HDAC4: variants seen among roughly 807,000 people sequenced by gnomAD.
HDAC4 encodes the protein histone deacetylase 4, also known as histone deacetylase A.
A neutral mutation model predicts 135.1 loss-of-function variants in HDAC4; 16 were observed. The observed-to-expected ratio is 0.12, with a 90% CI of 0.08 to 0.18. HDAC4 has a LOEUF of 0.18. Ranked by LOEUF, HDAC4 falls within the 10% of genes least tolerant of loss-of-function variation. The pLI is 1.00. For missense variants in HDAC4, 1,143 were observed against 1,511.8 expected, an observed-to-expected ratio of 0.76 and a Z score of 4.05; for synonymous variants, 685 against 653.4, an observed-to-expected ratio of 1.05 and a Z score of -0.74.
intron 7 of HDAC4, among the ~76,000 whole-genome samples, chr2:239,153,969 G>C (rs2042269814): frequency 6.6e-6 from 1 of 152,226 alleles, no homozygotes. Flanking sequence ...TTGCTATGAA[G>C]TACTCAAGCT....
rs369120720 is a variant in HDAC4 at position 239,134,652 on chromosome 2, A to G, written c.979-9T>C. On this transcript the variant is annotated splice_polypyrimidine_tract_variant and intron_variant, in intron 9 of 26. Coordinates refer to ENST00000543185, the MANE Select transcript of HDAC4 (RefSeq NM_001378414.1). The stretch of plus-strand genomic sequence containing the variant: ...CTGTGCGCCAAACTCGTCTGGGGAC[A>G]GAACACACGATGACCATCACAGTCT... The G allele has an allele frequency of 9.4e-6, 15 of 1,603,612 alleles. No individual in the cohort carries two copies. Among genetic ancestry groups the G allele is most frequent in the Non-Finnish European group, 1.1e-5 (13 of 1,170,418 alleles).
intron 2 of HDAC4, among the ~76,000 whole-genome samples, chr2:239,250,872 G>A (rs1050150553): frequency 6.6e-6 from 1 of 152,204 alleles, no homozygotes; most frequent in Non-Finnish European, 1.5e-5. Context: ...GGACTCGGGG[G>A]CGGTTTTCCC....
intron 4 of HDAC4, among the ~76,000 whole-genome samples, chr2:239,187,399 C>G (rs1340552724): frequency 6.6e-6 from 1 of 152,198 alleles, no homozygotes; most frequent in African/African-American, 2.4e-5. Flanking sequence ...GGCGCAAAAA[C>G]TAAATAAAAC....
Position 239,068,834 on chromosome 2 carries a change from C to A in HDAC4, c.2751-227G>T. 3.4e-6 allele frequency: 2 copies of A among 587,816 alleles called. No homozygotes were observed. Among genetic ancestry groups the A allele is most frequent in the Non-Finnish European group, 6.3e-6 (2 of 316,904 alleles). 36.4% of individuals were successfully genotyped at this position (587,816 alleles called of 1,614,324 possible). ...CATTTCACATCTTCACAGTGCAAGCCAGCAAGCCCCACGACACTTGCTTGG... is the reference window on the plus strand; with the variant it reads ...CATTTCACATCTTCACAGTGCAAGCAAGCAAGCCCCACGACACTTGCTTGG... On this transcript the variant is annotated intron_variant, in intron 22 of 26. Transcript: ENST00000543185. The surrounding 1 kb of genome is among the most constrained non-coding windows in gnomAD (Gnocchi z 4.4).
rs1195855805 is a variant in HDAC4 at position 239,299,018 on chromosome 2, G to A, written c.22+53660C>T. On this transcript the variant is annotated intron_variant, in intron 2 of 26. Coordinates refer to ENST00000543185, the MANE Select transcript of HDAC4 (RefSeq NM_001378414.1). This position sits in a 1 kb window ranked among gnomAD's most constrained non-coding sequence, Gnocchi z 4.0. The stretch of plus-strand genomic sequence containing the variant: ...CGAGTAGCTGGGACTACAGGTGCCC[G>A]CCACCACGCCCAGCTAATTTTTTGT... Among the ~76,000 whole-genome samples, 13 of 151,892 alleles carry A rather than the reference G, an allele frequency of 8.6e-5. No individual in the cohort carries two copies. Among genetic ancestry groups the A allele is most frequent in the East Asian group, 1.9e-4 (1 of 5,142 alleles).
chr2:239,319,661 A>G (rs1239520592), intron 2 of HDAC4, among the ~76,000 whole-genome samples: 2 of 152,264 alleles, frequency 1.3e-5, no homozygotes, highest in Admixed American at 1.3e-4. Context: ...CATGTTTGAG[A>G]GCAGCCACAT....
intron 20 of HDAC4, among the ~76,000 whole-genome samples, chr2:239,082,758 C>T (rs1215289150): frequency 6.6e-6 from 1 of 152,256 alleles, no homozygotes; most frequent in Non-Finnish European, 1.5e-5. Context: ...GGTCCAGGCC[C>T]CTGTGCCCAA....
intron 3 of HDAC4, among the ~76,000 whole-genome samples, chr2:239,196,558 A>G (rs1248111017): frequency 6.6e-6 from 1 of 152,210 alleles, no homozygotes; most frequent in Non-Finnish European, 1.5e-5. Flanking sequence ...GACAGTCTCG[A>G]GTCCGAGTCT....
chr2:239,118,523 C>A (rs1018120008), intron 12 of HDAC4, among the ~76,000 whole-genome samples: 1 of 152,132 alleles, frequency 6.6e-6, no homozygotes, highest in African/African-American at 2.4e-5. Flanking sequence ...GTGCTGTCCA[C>A]GGGTGAGCGT....
chr2:239,278,350 T>C (rs1445139376), intron 2 of HDAC4, among the ~76,000 whole-genome samples: 2 of 152,110 alleles, frequency 1.3e-5, no homozygotes. Context: ...GACAATCTAA[T>C]TGGTAAAGAA....
rs904033290 is a variant in HDAC4 at position 239,309,711 on chromosome 2, C to G, written c.22+42967G>C. 3.8e-4 allele frequency among the ~76,000 whole-genome samples: 58 copies of G among 152,366 alleles called. No homozygotes were observed. The highest frequency in any genetic ancestry group is 1.4e-3 in the African/African-American group (57 of 41,600). On this transcript the variant is annotated intron_variant, in intron 2 of 26. Transcript: ENST00000543185. This position sits in a 1 kb window ranked among gnomAD's most constrained non-coding sequence, Gnocchi z 4.2. ...GCTCCGCCAGCAAGTATCCTGGGAGCTGGGGGGCCTCAAGGGAGGCAATCC... is the reference window on the plus strand; with the variant it reads ...GCTCCGCCAGCAAGTATCCTGGGAGGTGGGGGGCCTCAAGGGAGGCAATCC...
At chr2:239,194,472 C>T (rs625839) in intron 3 of HDAC4, among the ~76,000 whole-genome samples, 55,855 of 151,986 alleles carry the variant, frequency 0.37, 11,575 homozygotes, top group South Asian at 0.52. Flanking sequence ...CGCTCCTGCC[C>T]GCCTCACAGG....
rs140696067 is a variant in HDAC4, at chr2:239,137,299, G to A, written c.978+2385C>T. 2.7e-3 allele frequency among the ~76,000 whole-genome samples: 417 copies of A among 152,298 alleles called. 4 individuals are homozygous for A. The highest frequency in any genetic ancestry group is 9.6e-3 in the African/African-American group (399 of 41,560). On this transcript the variant is annotated intron_variant, in intron 9 of 26. Transcript: ENST00000543185. Reference sequence around the variant, plus strand: ...GCATGTGCTCAGAGGGAAAGTCCGCGGGCCTGAGGTCAGAGCATCCAGGCA... The same window carrying A: ...GCATGTGCTCAGAGGGAAAGTCCGCAGGCCTGAGGTCAGAGCATCCAGGCA...
At chr2:239,238,379 T>C (rs1331907174) in intron 2 of HDAC4, among the ~76,000 whole-genome samples, 2 of 152,154 alleles carry the variant, frequency 1.3e-5, no homozygotes, top group Non-Finnish European at 2.9e-5. Flanking sequence ...GAAGGCCCTT[T>C]TGAAGATCTC....
At chr2:239,089,568 C>A in intron 18 of HDAC4, 1 of 158,300 alleles carries the variant, frequency 6.3e-6, no homozygotes, top group Non-Finnish European at 1.4e-5. Flanking sequence ...CTCAGGTGAT[C>A]CCCCTGCCTT....
intron 19 of HDAC4, among the ~76,000 whole-genome samples, chr2:239,084,613 GAC>G (rs993872798): frequency 2.1e-5 from 3 of 144,714 alleles, no homozygotes; most frequent in South Asian, 2.2e-4. Flanking sequence ...ACCCCCCACA[GAC>G]ACACACACCA....
rs373828288 is a variant in HDAC4 at position 239,147,750 on chromosome 2, C to T, written c.734-3036G>A. On this transcript the variant is annotated intron_variant, in intron 7 of 26. Transcript: ENST00000543185. ...AATGCAGTGTCTGCTCCTTAGGGAA[C>T]AGGGAGCAGGTGGGATTGTTTCTCC... Among the ~76,000 whole-genome samples the T allele has an allele frequency of 4.3e-4, 65 of 152,364 alleles. No homozygotes were observed. In the South Asian group the frequency reaches 0.011, roughly 26 times the overall value.
chr2:239,312,374 C>T (rs540745914), intron 2 of HDAC4, among the ~76,000 whole-genome samples: 220 of 152,300 alleles, frequency 1.4e-3, no homozygotes, highest in African/African-American at 5.1e-3. Flanking sequence ...CCCAACTGCA[C>T]GGTGGTGGTG....
At chr2:239,320,186 C>G (rs1024862387) in intron 2 of HDAC4, among the ~76,000 whole-genome samples, 4 of 152,068 alleles carry the variant, frequency 2.6e-5, no homozygotes, top group Non-Finnish European at 5.9e-5. Flanking sequence ...AGTTCAAGAC[C>G]AGCCTGGCCA....
Sources: gnomAD v4.1 joint callset for allele counts (sites outside exome capture counted in the v4.1 genomes callset) on GRCh38, gnomAD v4.1.1 for gene constraint, Gnocchi (gnomAD v3.1) non-coding constraint, MANE v1.5 for transcripts, NCBI Gene and HGNC (gene_info 2026-07-23, HGNC 2026-07-21) for gene names.